The following HS6ST3 variants were observed in gnomAD, a reference collection of about 807,000 sequenced individuals.
HS6ST3 encodes the protein heparan-sulfate 6-O-sulfotransferase 3.
A neutral mutation model predicts 36.7 loss-of-function variants in HS6ST3; 12 were observed. That is an observed-to-expected ratio of 0.33 (90% CI 0.21 to 0.53). The LOEUF (loss-of-function observed/expected upper bound fraction) is 0.53, where lower values mean the gene tolerates loss of function less well. Among genes scored for constraint, HS6ST3 ranks in the 20% least tolerant of loss-of-function variants. The probability of loss-of-function intolerance (pLI) is 0.95; values close to 1 mark genes in which losing one functional copy is unlikely to be tolerated. For missense variants in HS6ST3, 584 were observed against 640.9 expected (o/e 0.91, Z 0.96); for synonymous variants, 240 against 257.5 (o/e 0.93, Z 0.65).
intron 1 of HS6ST3, among the ~76,000 whole-genome samples, chr13:96,111,837 T>A (rs757468117): frequency 5.9e-5 from 9 of 152,206 alleles, no homozygotes; most frequent in Admixed American, 4.6e-4. Context: ...GCAGATTTCA[T>A]TGGAGATAAA....
chr13:96,620,969 A>G (rs1003357996), intron 1 of HS6ST3, among the ~76,000 whole-genome samples: 1 of 152,166 alleles, frequency 6.6e-6, no homozygotes, highest in African/African-American at 2.4e-5. Flanking sequence ...AATACAGCCA[A>G]GGAGCTCAGT....
At chr13:96,627,260 C>G (rs928898348) in intron 1 of HS6ST3, among the ~76,000 whole-genome samples, 1 of 151,896 alleles carries the variant, frequency 6.6e-6, no homozygotes, top group African/African-American at 2.4e-5. Flanking sequence ...GAGTTTTAAC[C>G]AATGCTTTTG....
intron 1 of HS6ST3, among the ~76,000 whole-genome samples, chr13:96,446,104 C>T (rs2055697477): frequency 6.7e-6 from 1 of 149,060 alleles, no homozygotes; most frequent in Admixed American, 6.7e-5. Flanking sequence ...ACCCAGGAGG[C>T]AGAGCCTGCA....
chr13:96,219,830 C>T (rs1471276123), intron 1 of HS6ST3, among the ~76,000 whole-genome samples: 3 of 152,046 alleles, frequency 2.0e-5, no homozygotes, highest in Admixed American at 6.5e-5. Context: ...ACTACAGGCG[C>T]GTGCCACCAC....
At chr13:96,298,042 T>C (rs1316232499) in intron 1 of HS6ST3, among the ~76,000 whole-genome samples, 3 of 152,174 alleles carry the variant, frequency 2.0e-5, no homozygotes, top group African/African-American at 7.2e-5. Context: ...AAAAACCTGT[T>C]GTTTTGGCTC....
chr13:96,655,916 G>T (rs1051502689), intron 1 of HS6ST3, among the ~76,000 whole-genome samples: 1 of 152,020 alleles, frequency 6.6e-6, no homozygotes, highest in Non-Finnish European at 1.5e-5. Context: ...AAGGACGAAG[G>T]CTGGGTGTAG....
chr13:96,674,827 C>A (rs1425238268), intron 1 of HS6ST3, among the ~76,000 whole-genome samples: 2 of 152,122 alleles, frequency 1.3e-5, no homozygotes, highest in Admixed American at 1.3e-4. Flanking sequence ...GCTCTGATTT[C>A]AAAAATTGTG....
intron 1 of HS6ST3, among the ~76,000 whole-genome samples, chr13:96,794,543 T>C (rs1379882888): frequency 1.3e-5 from 2 of 152,088 alleles, no homozygotes; most frequent in Non-Finnish European, 2.9e-5. Context: ...AAGTAAATCT[T>C]CTATTTGACA....
chr13:96,476,788 G>C (rs1357289524), intron 1 of HS6ST3, among the ~76,000 whole-genome samples: 1 of 152,178 alleles, frequency 6.6e-6, no homozygotes, highest in Non-Finnish European at 1.5e-5. Context: ...TGCTGTTAAT[G>C]ATGGGAAACC....
chr13:96,477,103 G>C (rs758983750), intron 1 of HS6ST3, among the ~76,000 whole-genome samples: 1 of 152,104 alleles, frequency 6.6e-6, no homozygotes, highest in African/African-American at 2.4e-5. Flanking sequence ...CAGAGGCTGA[G>C]TTTAGAGTTC....
At position 96,190,346 on chromosome 13, in the gene HS6ST3, G is replaced by A. The variant is rs1169417802; in HGVS notation, c.707+98777G>A. 2.0e-5 allele frequency among the ~76,000 whole-genome samples: 3 copies of A among 152,168 alleles called. No individual in the cohort carries two copies. In the East Asian group the frequency reaches 5.8e-4, roughly 29 times the overall value. On this transcript the variant is annotated intron_variant, in intron 1 of 1. Transcript: ENST00000376705. ...TATGGTGGTGACTGAACCCATTCTC[G>A]GGCACAGACTCTGTCCTGAGCTGCG...
intron 1 of HS6ST3, among the ~76,000 whole-genome samples, chr13:96,716,427 G>A (rs1444500364): frequency 6.6e-6 from 1 of 152,128 alleles, no homozygotes. Context: ...AACCAAGAGT[G>A]CAACTTAAAT....
intron 1 of HS6ST3, among the ~76,000 whole-genome samples, chr13:96,161,358 T>C (rs2139328924): frequency 6.6e-6 from 1 of 152,160 alleles, no homozygotes; most frequent in African/African-American, 2.4e-5. Context: ...GAATGGGACG[T>C]GGAAGTGAAA....
chr13:96,569,599 AAT>A (rs2056293921), intron 1 of HS6ST3, among the ~76,000 whole-genome samples: 1 of 152,248 alleles, frequency 6.6e-6, no homozygotes, highest in Admixed American at 6.5e-5. Flanking sequence ...GCAGTTATTA[AAT>A]ATGTTAAAAA....
At position 96,352,814 on chromosome 13, in the gene HS6ST3, A is replaced by G. The variant is rs1453819395; in HGVS notation, c.707+261245A>G. ...CACGTAGTCTTTACCAGGCATAATTATAAGCATTCTGTACAAATTATATCA... is the reference window on the plus strand; with the variant it reads ...CACGTAGTCTTTACCAGGCATAATTGTAAGCATTCTGTACAAATTATATCA... On this transcript the variant is annotated intron_variant, in intron 1 of 1. Coordinates refer to ENST00000376705, the MANE Select transcript of HS6ST3 (RefSeq NM_153456.4). 3.9e-5 allele frequency among the ~76,000 whole-genome samples: 6 copies of G among 152,236 alleles called. No homozygotes were observed. In the South Asian group the frequency reaches 1.2e-3, roughly 31 times the overall value.
intron 1 of HS6ST3, chr13:96,574,483 GC>G: frequency 2.3e-6 from 1 of 427,444 alleles, no homozygotes; most frequent in Non-Finnish European, 4.2e-6. Flanking sequence ...TTCATGCCCC[GC>G]CCCCTACAAT....
intron 1 of HS6ST3, among the ~76,000 whole-genome samples, chr13:96,718,591 G>A (rs1196216179): frequency 6.6e-6 from 1 of 151,950 alleles, no homozygotes; most frequent in Admixed American, 6.6e-5. Flanking sequence ...AAAAATAAAG[G>A]TTATAAAATT....
intron 1 of HS6ST3, among the ~76,000 whole-genome samples, chr13:96,430,514 CATT>C (rs1261840095): frequency 8.5e-5 from 13 of 152,202 alleles, no homozygotes; most frequent in Admixed American, 7.8e-4. Context: ...GTGAGGCCCT[CATT>C]GTTGCCATGA....
intron 1 of HS6ST3, among the ~76,000 whole-genome samples, chr13:96,517,489 C>A (rs1180050689): frequency 6.6e-6 from 1 of 152,278 alleles, no homozygotes; most frequent in East Asian, 1.9e-4. Flanking sequence ...AACAATGATC[C>A]AATCTACCAC....
Sources: allele counts gnomAD v4.1 joint callset (sites outside exome capture counted in the v4.1 genomes callset), GRCh38; gene constraint gnomAD v4.1.1; transcripts MANE v1.5; gene names NCBI Gene and HGNC (gene_info 2026-07-23, HGNC 2026-07-21).